HELZ: variants seen among roughly 807,000 people sequenced by gnomAD.
HELZ encodes the protein helicase with zinc finger, also known as ATP-dependent RNA helicase with zinc finger domain.
Under a neutral mutation model 218.2 loss-of-function variants are expected in HELZ, and 23 were observed. That is an observed-to-expected ratio of 0.11 (90% CI 0.08 to 0.15). The LOEUF is 0.15. Among genes scored for constraint, HELZ ranks in the 10% least tolerant of loss-of-function variants. HELZ has a pLI of 1.00. For missense variants in HELZ, 1,813 were observed against 2,353.7 expected (o/e 0.77, Z 4.75); for synonymous variants, 814 against 829.4 (o/e 0.98, Z 0.32).
rs139888145 is a variant in HELZ at position 67,213,569 on chromosome 17, C to T, written c.247+2330G>A. Among the ~76,000 whole-genome samples the T allele has an allele frequency of 5.7e-3, 865 of 152,048 alleles. 10 individuals carry two copies. The highest frequency in any genetic ancestry group is 0.019 in the African/African-American group (778 of 41,468). On this transcript the variant is annotated intron_variant, in intron 5 of 32. Coordinates refer to ENST00000358691, the MANE Select transcript of HELZ (RefSeq NM_014877.4). ...CCTGGGAGACGGAGGTCACAGTGAC[C>T]CGAGATCACGCCACTGCACTCCAGC... is the stretch of plus-strand genomic sequence containing the variant.
intron 21 of HELZ, among the ~76,000 whole-genome samples, chr17:67,144,990 A>C (rs144556605): frequency 6.6e-6 from 1 of 152,132 alleles, no homozygotes; most frequent in South Asian, 2.1e-4. Flanking sequence ...GCAATGTCTT[A>C]ACGGAAAAAT....
At chr17:67,118,642 G>A (rs771569553) in intron 27 of HELZ, among the ~76,000 whole-genome samples, 3 of 135,946 alleles carry the variant, frequency 2.2e-5, no homozygotes, top group Admixed American at 1.6e-4. Flanking sequence ...CTTGAGCCCA[G>A]GAGTTCAAGG....
intron 20 of HELZ, among the ~76,000 whole-genome samples, chr17:67,147,318 A>T (rs1021930409): frequency 1.3e-5 from 2 of 152,174 alleles, no homozygotes; most frequent in African/African-American, 4.8e-5. Flanking sequence ...ATAGATATAT[A>T]TTCATCCACA....
intron 21 of HELZ, among the ~76,000 whole-genome samples, chr17:67,144,075 C>T (rs918614155): frequency 4.6e-5 from 7 of 152,182 alleles, no homozygotes; most frequent in Admixed American, 4.6e-4. Context: ...GTAACTGATG[C>T]CACTTGGTCT....
At chr17:67,161,229 A>G (rs1319661462) in intron 15 of HELZ, among the ~76,000 whole-genome samples, 153 bp from the exon 16 acceptor site, 7 of 152,248 alleles carry the variant, frequency 4.6e-5, no homozygotes, top group African/African-American at 1.7e-4. Flanking sequence ...TACTTTTTAT[A>G]AAGTTACCCA....
In HELZ at chr17:67,123,157, T is replaced by G; in HGVS notation, c.3443A>C (p.Gln1148Pro). 6.2e-7 allele frequency: 1 copy of G among 1,603,586 alleles called. No individual in the cohort carries two copies. The highest frequency in any genetic ancestry group is 8.5e-7 in the Non-Finnish European group (1 of 1,172,774). ...GCCAATAAGTACAGAAGGATTGGGC[T>G]GAACTGAAAAATAAACAGAAAAAGG... ...NDHFQNDGIV[Q>P]PNPSVLIGNP... Residue 1148 changes from glutamine (Q) to proline (P), a missense_variant, in exon 26 of 33, where the codon CAG (glutamine) becomes CCG (proline). This residue lies in a region of HELZ where 938 missense variants were observed against 1,027.5 expected (regional missense o/e 0.91). Coordinates refer to ENST00000358691, the MANE Select transcript of HELZ (RefSeq NM_014877.4).
chr17:67,166,112 A>G (rs964132068), intron 15 of HELZ, among the ~76,000 whole-genome samples: 1 of 152,198 alleles, frequency 6.6e-6, no homozygotes, highest in African/African-American at 2.4e-5. Context: ...TTCAGCCTGC[A>G]TGACAGAGCA....
Position 67,109,272 on chromosome 17 carries a change from CAGG to C in HELZ, c.4330_4332del (p.Pro1444del), listed in dbSNP as rs772687839. 3.1e-6 allele frequency: 5 copies of C among 1,614,112 alleles called. No homozygotes were observed. Among genetic ancestry groups the C allele is most frequent in the East Asian group, 2.2e-5 (1 of 44,882 alleles). The stretch of plus-strand genomic sequence containing the variant: ...TGCTGCTCCGGAATTACAGCTTCTG[CAGG>C]AGGAGACTGTGGCCGATGAGCAACT... On this transcript the variant is annotated inframe_deletion, in exon 29 of 33. Transcript: ENST00000358691.
Position 67,201,086 on chromosome 17 carries a change from T to C in HELZ, c.429+43A>G, listed in dbSNP as rs750594140. ...TAATACATAATGCTTACTAGACAGA[T>C]TGAGTCAAACTCTTCCAAACGGATC... On this transcript the variant is annotated intron_variant, in intron 7 of 32. Transcript: ENST00000358691. The C allele has an allele frequency of 7.3e-6, 10 of 1,361,854 alleles. No homozygotes were observed. In the African/African-American group the frequency reaches 1.1e-4, roughly 16 times the overall value. The allele number at this position is 1,361,854 out of a possible 1,614,324, so 84.4% of individuals were successfully genotyped here.
At chr17:67,098,683 G>A (rs1032647647) in intron 31 of HELZ, among the ~76,000 whole-genome samples, 1 of 152,132 alleles carries the variant, frequency 6.6e-6, no homozygotes. Context: ...GGCGGAGGTT[G>A]CAGTGAGCCG....
intron 31 of HELZ, among the ~76,000 whole-genome samples, chr17:67,097,833 A>G (rs1192739642): frequency 6.6e-6 from 1 of 152,244 alleles, no homozygotes; most frequent in Non-Finnish European, 1.5e-5. Flanking sequence ...ATTTTCTCTG[A>G]AGATTCATAA....
At chr17:67,145,950 A>C in intron 20 of HELZ, 60 bp from the exon 21 acceptor site, 1 of 1,456,318 alleles carries the variant, frequency 6.9e-7, no homozygotes, top group Non-Finnish European at 9.3e-7. Flanking sequence ...AATTTCACCC[A>C]TAAGAAAAAA....
At chr17:67,130,274 A>C (rs1318059282) in intron 23 of HELZ, among the ~76,000 whole-genome samples, 1 of 152,150 alleles carries the variant, frequency 6.6e-6, no homozygotes, top group Non-Finnish European at 1.5e-5. Context: ...TCCAGACTTG[A>C]TTACTATACA....
chr17:67,161,238 C>T (rs565426374), intron 15 of HELZ, among the ~76,000 whole-genome samples, 162 bp from the exon 16 acceptor site: 1 of 152,230 alleles, frequency 6.6e-6, no homozygotes, highest in South Asian at 2.1e-4. Flanking sequence ...TAAAGTTACC[C>T]AACAGAGTCA....
chr17:67,085,463 C>T (rs1053463302), intron 32 of HELZ, among the ~76,000 whole-genome samples: 29 of 152,128 alleles, frequency 1.9e-4, no homozygotes, highest in African/African-American at 5.3e-4. Context: ...AGGCAAAATA[C>T]AGCGGTTTAC....
At chr17:67,088,544 C>T (rs1046972765) in intron 31 of HELZ, among the ~76,000 whole-genome samples, 8 of 152,222 alleles carry the variant, frequency 5.3e-5, no homozygotes, top group Non-Finnish European at 1.0e-4. Flanking sequence ...TGGGTCTGGA[C>T]TGGCTGCCCT....
intron 27 of HELZ, among the ~76,000 whole-genome samples, chr17:67,119,074 G>A (rs2037518690): frequency 6.6e-6 from 1 of 152,070 alleles, no homozygotes; most frequent in Admixed American, 6.6e-5. Flanking sequence ...AATGAAAAAT[G>A]GTTCAGCCAC....
chr17:67,225,284 C>A, intron 3 of HELZ: 1 of 205,004 alleles, frequency 4.9e-6, no homozygotes, highest in Admixed American at 5.4e-5. Flanking sequence ...TTCCCATTCA[C>A]AGATGAGGAA....
At chr17:67,103,543 G>T (rs1044088712) in intron 31 of HELZ, among the ~76,000 whole-genome samples, 1 of 152,166 alleles carries the variant, frequency 6.6e-6, no homozygotes, top group African/African-American at 2.4e-5. Context: ...CAAAAGAAGT[G>T]CAAGACTTAT....
Sources: gnomAD v4.1 joint callset for allele counts (sites outside exome capture counted in the v4.1 genomes callset) on GRCh38, gnomAD v4.1.1 for gene constraint, gnomAD v4.1.1 regional missense constraint, MANE v1.5 for transcripts, NCBI Gene and HGNC (gene_info 2026-07-23, HGNC 2026-07-21) for gene names.